Variants in INPP4B observed in about 807,000 individuals in gnomAD.
The protein encoded by INPP4B is inositol polyphosphate 4-phosphatase type II.
A neutral mutation model predicts 122.5 loss-of-function variants in INPP4B; 55 were observed. The observed-to-expected ratio is 0.45, with a 90% CI of 0.36 to 0.56. INPP4B has a LOEUF of 0.56. INPP4B is among the 20% of genes least tolerant of loss of function. The pLI, the probability that INPP4B is intolerant of heterozygous loss-of-function variation, is 0.00. For synonymous variants in INPP4B, 403 were observed against 388.7 expected, an observed-to-expected ratio of 1.04 and a Z score of -0.43; for missense variants, 1,000 against 1,097.7, an observed-to-expected ratio of 0.91 and a Z score of 1.26.
intron 2 of INPP4B, among the ~76,000 whole-genome samples, chr4:142,724,007 C>G (rs573760419): frequency 6.6e-6 from 1 of 152,082 alleles, no homozygotes; most frequent in Admixed American, 6.6e-5. Context: ...ACATACATAT[C>G]TTGGATCATA....
intron 14 of INPP4B, among the ~76,000 whole-genome samples, chr4:142,195,029 C>T (rs1837544665): frequency 1.3e-5 from 2 of 152,174 alleles, no homozygotes; most frequent in Non-Finnish European, 2.9e-5. Flanking sequence ...CATGACAATG[C>T]AACAAAATAT....
At chr4:142,246,050 A>ACAC (rs1728441986) in intron 11 of INPP4B, among the ~76,000 whole-genome samples, 3 of 62,116 alleles carry the variant, frequency 4.8e-5, no homozygotes, top group African/African-American at 1.4e-4. Flanking sequence ...GTATACACAC[A>ACAC]TTATATATAT....
intron 10 of INPP4B, among the ~76,000 whole-genome samples, chr4:142,266,706 T>C (rs1743002412): frequency 6.6e-6 from 1 of 152,164 alleles, no homozygotes; most frequent in Admixed American, 6.6e-5. Context: ...CTGAAAGTTC[T>C]AGCTGGAACA....
intron 18 of INPP4B, among the ~76,000 whole-genome samples, chr4:142,136,601 C>G (rs902347997): frequency 1.1e-4 from 17 of 152,136 alleles, no homozygotes; most frequent in African/African-American, 3.1e-4. Context: ...TTTAATATGA[C>G]TGGATCATGG....
At chr4:142,341,487 G>A (rs1778681449) in intron 7 of INPP4B, among the ~76,000 whole-genome samples, 1 of 152,082 alleles carries the variant, frequency 6.6e-6, no homozygotes, top group East Asian at 1.9e-4. Context: ...ACTTAATACA[G>A]CAGAGAGATC....
intron 5 of INPP4B, chr4:142,427,341 G>A: frequency 2.4e-6 from 1 of 413,936 alleles, no homozygotes; most frequent in Non-Finnish European, 4.2e-6. Flanking sequence ...CATTTGACAA[G>A]ATAAAATTAT....
intron 2 of INPP4B, among the ~76,000 whole-genome samples, chr4:142,572,076 G>A (rs1233747165): frequency 3.3e-5 from 5 of 152,102 alleles, no homozygotes; most frequent in African/African-American, 7.2e-5. Context: ...TGGATTGTCA[G>A]TAGTAGGTCT....
chr4:142,241,705 A>C (rs1278501031), intron 11 of INPP4B, among the ~76,000 whole-genome samples: 2 of 152,224 alleles, frequency 1.3e-5, no homozygotes, highest in African/African-American at 4.8e-5. Flanking sequence ...TCAAAGAGAT[A>C]TCATAGGGAT....
Position 142,027,699 on chromosome 4 carries a change from A to ATT in INPP4B, c.*1081_*1082dup, listed in dbSNP as rs1174223436. ...ACCTTACCCATGTTTGAATACTGGT[A>ATT]TTATACAAGATGATTTTTTTAAGGA... On this transcript the variant is annotated 3_prime_UTR_variant, in exon 26 of 26. Coordinates refer to ENST00000262992, the MANE Select transcript of INPP4B (RefSeq NM_001101669.3). 6.6e-6 allele frequency: 1 copy of ATT among 152,390 alleles called. No homozygotes were observed. Among genetic ancestry groups the ATT allele is most frequent in the Non-Finnish European group, 1.5e-5 (1 of 68,152 alleles). The allele number at this position is 152,390 out of a possible 1,614,324, so 9.4% of individuals were successfully genotyped here.
At chr4:142,034,554 C>G (rs570321080) in intron 25 of INPP4B, among the ~76,000 whole-genome samples, 23 of 152,212 alleles carry the variant, frequency 1.5e-4, no homozygotes, top group African/African-American at 4.8e-4. Flanking sequence ...TTCCAGCCCT[C>G]AGTTCCCCAC....
intron 2 of INPP4B, among the ~76,000 whole-genome samples, chr4:142,479,737 C>T (rs1820271241): frequency 6.6e-6 from 1 of 152,098 alleles, no homozygotes; most frequent in East Asian, 1.9e-4. Flanking sequence ...CATATTCTCA[C>T]TTTTAAGTGG....
At chr4:142,249,704 G>A (rs1301776629) in intron 11 of INPP4B, among the ~76,000 whole-genome samples, 1 of 152,106 alleles carries the variant, frequency 6.6e-6, no homozygotes, top group Non-Finnish European at 1.5e-5. Context: ...GAAACGGCTG[G>A]TTGAAAAACC....
chr4:142,572,906 T>C (rs1437674288), intron 2 of INPP4B, among the ~76,000 whole-genome samples: 1 of 151,250 alleles, frequency 6.6e-6, no homozygotes, highest in Non-Finnish European at 1.5e-5. Context: ...AATATACAGA[T>C]GTATAAATAC....
At chr4:142,317,507 T>C (rs1293615866) in intron 7 of INPP4B, 2 of 260,192 alleles carry the variant, frequency 7.7e-6, no homozygotes, top group South Asian at 5.4e-5. Flanking sequence ...TCCAGGGAGA[T>C]GGTGTTGTCC....
At chr4:142,706,239 C>T (rs181832103) in intron 2 of INPP4B, among the ~76,000 whole-genome samples, 6 of 152,324 alleles carry the variant, frequency 3.9e-5, no homozygotes, top group Admixed American at 2.0e-4. Flanking sequence ...GCTGTGAATA[C>T]GCATAGCACC....
chr4:142,680,355 A>G (rs1313662282), intron 2 of INPP4B, among the ~76,000 whole-genome samples: 2 of 151,820 alleles, frequency 1.3e-5, no homozygotes, highest in Non-Finnish European at 2.9e-5. Context: ...ATTCTTACCT[A>G]TCATATCCCT....
intron 23 of INPP4B, among the ~76,000 whole-genome samples, chr4:142,087,621 G>A (rs978707576): frequency 1.2e-4 from 19 of 152,168 alleles, no homozygotes; most frequent in African/African-American, 4.3e-4. Context: ...CTACAACTAC[G>A]TTACCGAGTT....
chr4:142,098,815 TG>T (rs1231248195), intron 23 of INPP4B, among the ~76,000 whole-genome samples: 2 of 152,032 alleles, frequency 1.3e-5, no homozygotes, highest in Non-Finnish European at 2.9e-5. Flanking sequence ...AGAGATGGGC[TG>T]GAGATGTAGA....
At chr4:142,343,542 C>T (rs1779340905) in intron 7 of INPP4B, among the ~76,000 whole-genome samples, 1 of 151,528 alleles carries the variant, frequency 6.6e-6, no homozygotes, top group South Asian at 2.1e-4. Flanking sequence ...TGGTCTTTTA[C>T]CAAAATGGAG....
Sources: gnomAD v4.1 joint callset for allele counts (sites outside exome capture counted in the v4.1 genomes callset) on GRCh38, gnomAD v4.1.1 for gene constraint, MANE v1.5 for transcripts, NCBI Gene and HGNC (gene_info 2026-07-23, HGNC 2026-07-21) for gene names.